Variants in UBE2E1 observed in about 807,000 individuals in gnomAD.
UBE2E1 encodes the protein ubiquitin conjugating enzyme E2 E1.
In UBE2E1, 6 loss-of-function variants were observed where a neutral mutation model predicts 21.4. The ratio of observed to expected loss-of-function variants is 0.28; its 90% CI spans 0.15 to 0.55. The LOEUF (loss-of-function observed/expected upper bound fraction) is 0.55, where lower values mean the gene tolerates loss of function less well. Among genes scored for constraint, UBE2E1 ranks in the 20% least tolerant of loss-of-function variants. The probability of loss-of-function intolerance (pLI) is 0.93; values close to 1 mark genes in which losing one functional copy is unlikely to be tolerated. For synonymous variants in UBE2E1, 87 were observed against 82.7 expected (o/e 1.05, Z -0.28); for missense variants, 142 against 236.5 (o/e 0.60, Z 2.62).
intron 3 of UBE2E1, among the ~76,000 whole-genome samples, chr3:23,825,431 C>T (rs1157288405): frequency 1.3e-5 from 2 of 152,110 alleles, no homozygotes; most frequent in Admixed American, 1.3e-4. Context: ...TATTGTTGTG[C>T]CAGGTACTGA....
At chr3:23,880,632 A>T (rs1182738672) in intron 3 of UBE2E1, among the ~76,000 whole-genome samples, 2 of 152,232 alleles carry the variant, frequency 1.3e-5, no homozygotes, top group African/African-American at 4.8e-5. Flanking sequence ...TCATTTGAAA[A>T]TTGAAATGCA....
intron 3 of UBE2E1, among the ~76,000 whole-genome samples, chr3:23,886,885 T>TTG (rs1701198916): frequency 6.6e-6 from 1 of 152,232 alleles, no homozygotes; most frequent in Non-Finnish European, 1.5e-5. Flanking sequence ...TAGAATGGTA[T>TTG]TGTGGCCAAA....
intron 3 of UBE2E1, among the ~76,000 whole-genome samples, chr3:23,881,998 A>G (rs913013234): frequency 6.6e-6 from 1 of 152,222 alleles, no homozygotes; most frequent in African/African-American, 2.4e-5. Context: ...TGCTGGCCTC[A>G]GGAGTGAAGC....
intron 3 of UBE2E1, among the ~76,000 whole-genome samples, chr3:23,831,067 A>G (rs1699856177): frequency 6.6e-6 from 1 of 152,244 alleles, no homozygotes; most frequent in Non-Finnish European, 1.5e-5. Flanking sequence ...GGAGAGAATT[A>G]GTCATTCTGA....
chr3:23,847,172 A>C (rs1210193783), intron 3 of UBE2E1, among the ~76,000 whole-genome samples: 1 of 152,180 alleles, frequency 6.6e-6, no homozygotes. Flanking sequence ...ACATCAGGGC[A>C]GTAGGCATAA....
intron 3 of UBE2E1, among the ~76,000 whole-genome samples, chr3:23,829,911 G>A (rs2045300): frequency 0.47 from 71,201 of 151,886 alleles, 16,931 homozygotes; most frequent in African/African-American, 0.56. Context: ...CTGCTATTTC[G>A]GAATTTCTGT....
rs1281471497 is a variant in UBE2E1, at chr3:23,810,052, C to A, written c.153-1408C>A. Among the ~76,000 whole-genome samples the A allele has an allele frequency of 6.6e-6, 1 of 152,180 alleles. No homozygotes were observed. The highest frequency in any genetic ancestry group is 2.4e-5 in the African/African-American group (1 of 41,424). ...CCAGTCGTCGTCCTTAAAACCTGTT[C>A]CTCATTACATATAGCTCGTCCGTCC... is the stretch of plus-strand genomic sequence containing the variant. On this transcript the variant is annotated intron_variant, in intron 2 of 5. Coordinates refer to ENST00000306627, the MANE Select transcript of UBE2E1 (RefSeq NM_003341.5). The surrounding 1 kb of genome is among the most constrained non-coding windows in gnomAD (Gnocchi z 5.8).
intron 3 of UBE2E1, among the ~76,000 whole-genome samples, chr3:23,881,585 C>G (rs1351068489): frequency 6.6e-6 from 1 of 152,192 alleles, no homozygotes; most frequent in Non-Finnish European, 1.5e-5. Context: ...TTTAAAAAAT[C>G]ATGTTACACA....
At chr3:23,813,947 G>C (rs766218715) in intron 3 of UBE2E1, among the ~76,000 whole-genome samples, 1 of 152,308 alleles carries the variant, frequency 6.6e-6, no homozygotes, top group East Asian at 1.9e-4. Context: ...CATGAGATTT[G>C]AATGAGTTAA....
At chr3:23,833,007 C>G (rs748004496) in intron 3 of UBE2E1, among the ~76,000 whole-genome samples, 4 of 152,206 alleles carry the variant, frequency 2.6e-5, no homozygotes, top group Non-Finnish European at 4.4e-5. Context: ...GTACTCCAGC[C>G]TGGGCGACAA....
intron 3 of UBE2E1, among the ~76,000 whole-genome samples, chr3:23,882,204 T>G (rs562595702): frequency 1.1e-3 from 160 of 152,198 alleles, no homozygotes; most frequent in Non-Finnish European, 1.1e-3. Flanking sequence ...TGTTACTGAT[T>G]GGTGCATTTT....
intron 3 of UBE2E1, among the ~76,000 whole-genome samples, chr3:23,820,486 A>T (rs1373569529): frequency 6.6e-6 from 1 of 152,226 alleles, no homozygotes; most frequent in Non-Finnish European, 1.5e-5. Flanking sequence ...TACAAAGCCA[A>T]AGGTTTTCAC....
At chr3:23,857,913 G>A (rs931907113) in intron 3 of UBE2E1, among the ~76,000 whole-genome samples, 3 of 152,118 alleles carry the variant, frequency 2.0e-5, no homozygotes, top group South Asian at 2.1e-4. Context: ...GCAGTGGTGC[G>A]ATCTCGGCTC....
intron 3 of UBE2E1, among the ~76,000 whole-genome samples, chr3:23,867,427 A>G (rs1259201874): frequency 1.3e-5 from 2 of 152,248 alleles, no homozygotes; most frequent in South Asian, 4.1e-4. Context: ...ATAAATTATC[A>G]TCAACTTTGT....
intron 3 of UBE2E1, among the ~76,000 whole-genome samples, chr3:23,815,754 T>C (rs1477950289): frequency 2.0e-5 from 3 of 152,264 alleles, no homozygotes; most frequent in Non-Finnish European, 4.4e-5. Flanking sequence ...AGTCATCCTT[T>C]ATAAAACCCT....
Position 23,823,987 on chromosome 3 carries a change from T to C in UBE2E1, c.203+12477T>C, listed in dbSNP as rs1699699906. Among the ~76,000 whole-genome samples, 1 of 152,236 alleles carries C rather than the reference T, an allele frequency of 6.6e-6. No homozygotes were observed. Among genetic ancestry groups the C allele is most frequent in the Admixed American group, 6.5e-5 (1 of 15,284 alleles). Reference sequence around the variant, plus strand: ...ATGTTCTCACATCCAAAGTAAACACTGTCAAGTGATTTGGACCAGTCCTAA... The same window carrying C: ...ATGTTCTCACATCCAAAGTAAACACCGTCAAGTGATTTGGACCAGTCCTAA... On this transcript the variant is annotated intron_variant, in intron 3 of 5. Coordinates refer to ENST00000306627, the MANE Select transcript of UBE2E1 (RefSeq NM_003341.5). This position sits in a 1 kb window ranked among gnomAD's most constrained non-coding sequence, Gnocchi z 4.2.
chr3:23,839,450 A>G (rs1254054581), intron 3 of UBE2E1, among the ~76,000 whole-genome samples: 1 of 151,826 alleles, frequency 6.6e-6, no homozygotes, highest in Non-Finnish European at 1.5e-5. Context: ...GGCAACAGAG[A>G]GAGAGTCTGT....
Position 23,842,250 on chromosome 3 carries a change from GTGT to G in UBE2E1, c.203+30752_203+30754del, listed in dbSNP as rs56041132. Among the ~76,000 whole-genome samples the G allele has an allele frequency of 5.1e-3, 442 of 86,364 alleles. 9 individuals carry two copies. The highest frequency in any genetic ancestry group is 4.8e-3 in the Non-Finnish European group (208 of 43,224). The allele number at this position is 86,364 out of a possible 152,430, so 56.7% of individuals were successfully genotyped here. A position where few individuals can be genotyped will look rare whatever the true frequency, so the allele number is the denominator to read the frequency against. ...GTGTGTGTGTGTGTGTGTGTGTGTG[GTGT>G]TGTTGTTGTTGGCGACAGGGTCTCA... On this transcript the variant is annotated intron_variant, in intron 3 of 5. Transcript: ENST00000306627. The surrounding 1 kb of genome is among the most constrained non-coding windows in gnomAD (Gnocchi z 4.6).
At position 23,887,094 on chromosome 3, in the gene UBE2E1, T is replaced by G. The variant is rs540853696; in HGVS notation, c.204-473T>G. Reference sequence around the variant, plus strand: ...ACTTTTTACATTATAAACCATCTATTAGATTCTTTTAAAGGTGAGATTATG... The same window carrying G: ...ACTTTTTACATTATAAACCATCTATGAGATTCTTTTAAAGGTGAGATTATG... On this transcript the variant is annotated intron_variant, in intron 3 of 5. Transcript: ENST00000306627. The surrounding 1 kb of genome is among the most constrained non-coding windows in gnomAD (Gnocchi z 4.4). 3.3e-5 allele frequency among the ~76,000 whole-genome samples: 5 copies of G among 152,190 alleles called. No homozygotes were observed. The highest frequency in any genetic ancestry group is 1.2e-4 in the African/African-American group (5 of 41,448).
Sources: allele counts gnomAD v4.1 joint callset (sites outside exome capture counted in the v4.1 genomes callset), GRCh38; gene constraint gnomAD v4.1.1; non-coding constraint Gnocchi (gnomAD v3.1); transcripts MANE v1.5; gene names NCBI Gene and HGNC (gene_info 2026-07-23, HGNC 2026-07-21).